Variants in PVT1 observed in about 807,000 individuals in gnomAD.
PVT1 encodes Pvt1 oncogene, also known as CXCR4/PVT1 fusion.
intron 4 of PVT1, among the ~76,000 whole-genome samples, chr8:128,001,706 A>C (rs1227990695): frequency 6.6e-6 from 1 of 152,202 alleles, no homozygotes; most frequent in Non-Finnish European, 1.5e-5. Flanking sequence ...GGTGGTTTAC[A>C]AACAACAAAA....
chr8:127,892,274 A>G (rs1044239591), intron 3 of PVT1, among the ~76,000 whole-genome samples: 1 of 152,198 alleles, frequency 6.6e-6, no homozygotes, highest in African/African-American at 2.4e-5. Context: ...TGTGCAATTT[A>G]CTGGGTTTCC....
intron 3 of PVT1, among the ~76,000 whole-genome samples, chr8:127,933,317 C>CCA (rs1816233797): frequency 6.6e-6 from 1 of 152,180 alleles, no homozygotes; most frequent in African/African-American, 2.4e-5. Context: ...TCAGGTGATC[C>CCA]ACCTGCCTTG....
At chr8:127,989,515 A>C (rs999041608) in intron 4 of PVT1, among the ~76,000 whole-genome samples, 1 of 151,932 alleles carries the variant, frequency 6.6e-6, no homozygotes, top group African/African-American at 2.4e-5. Flanking sequence ...CTCTGTCCCT[A>C]GTGGAGGGAG....
intron 4 of PVT1, among the ~76,000 whole-genome samples, chr8:128,011,142 T>C (rs766665434): frequency 1.3e-5 from 2 of 152,234 alleles, no homozygotes; most frequent in Non-Finnish European, 2.9e-5. Flanking sequence ...AGACTATATG[T>C]GTCTTGATGG....
intron 3 of PVT1, among the ~76,000 whole-genome samples, chr8:127,964,828 T>C (rs1441907897): frequency 6.6e-6 from 1 of 150,788 alleles, no homozygotes; most frequent in East Asian, 1.9e-4. Context: ...TTATTATTAT[T>C]TTATTGATTT....
intron 3 of PVT1, among the ~76,000 whole-genome samples, chr8:127,896,244 T>C (rs1416063778): frequency 6.6e-6 from 1 of 152,138 alleles, no homozygotes; most frequent in African/African-American, 2.4e-5. Flanking sequence ...TAAAGGCATG[T>C]GCATTTTGGC....
chr8:127,965,772 G>A (rs1444824460), intron 3 of PVT1, among the ~76,000 whole-genome samples: 1 of 152,196 alleles, frequency 6.6e-6, no homozygotes, highest in African/African-American at 2.4e-5. Context: ...CAGGTGTTGG[G>A]TGCAGAACAG....
chr8:128,009,505 T>C (rs977444560), intron 4 of PVT1: 1 of 152,356 alleles, frequency 6.6e-6, no homozygotes, highest in Non-Finnish European at 1.5e-5. Context: ...TCTAAAGACA[T>C]TAAAGACATA....
chr8:128,011,125 A>G (rs896747844), intron 4 of PVT1, among the ~76,000 whole-genome samples: 1 of 152,200 alleles, frequency 6.6e-6, no homozygotes, highest in African/African-American at 2.4e-5. Context: ...AGATGGCAAC[A>G]ATCTTTAGAC....
chr8:127,957,582 A>AGAAAAG (rs71300283), intron 3 of PVT1, among the ~76,000 whole-genome samples: 50 of 146,120 alleles, frequency 3.4e-4, no homozygotes, highest in Non-Finnish European at 6.6e-4. Flanking sequence ...AAAAAAAAAA[A>AGAAAAG]AAAAGAAAAG....
chr8:128,073,292 C>A (rs1043320968), intron 5 of PVT1, among the ~76,000 whole-genome samples: 2 of 152,180 alleles, frequency 1.3e-5, no homozygotes. Context: ...ACCTGCATAA[C>A]TAGTAACTCG....
At chr8:128,002,761 A>T (rs1817195113) in intron 4 of PVT1, among the ~76,000 whole-genome samples, 1 of 152,222 alleles carries the variant, frequency 6.6e-6, no homozygotes, top group Admixed American at 6.5e-5. Flanking sequence ...CCCAATTTCC[A>T]AATAAGGCAC....
intron 2 of PVT1, among the ~76,000 whole-genome samples, chr8:127,888,301 G>A (rs561545106): frequency 3.3e-5 from 5 of 152,274 alleles, no homozygotes; most frequent in South Asian, 4.2e-4. Context: ...TTCACTAGCC[G>A]CTGCAAGTGT....
intron 5 of PVT1, among the ~76,000 whole-genome samples, chr8:128,090,337 C>G (rs1329581441): frequency 6.6e-6 from 1 of 152,240 alleles, no homozygotes; most frequent in Non-Finnish European, 1.5e-5. Context: ...CGTGCCCAAA[C>G]TTCCAGAAAG....
At chr8:127,991,889 G>T (rs547137907) in intron 4 of PVT1, among the ~76,000 whole-genome samples, 3 of 152,076 alleles carry the variant, frequency 2.0e-5, no homozygotes, top group Admixed American at 6.5e-5. Flanking sequence ...TGGCTGGGAC[G>T]CACACCAATA....
chr8:127,796,878 T>C (rs1407272723), intron 2 of PVT1, among the ~76,000 whole-genome samples: 1 of 49,862 alleles, frequency 2.0e-5, no homozygotes, highest in Non-Finnish European at 6.1e-5. Flanking sequence ...CTTGTTTTGC[T>C]TTTTTTTTTT....
intron 4 of PVT1, among the ~76,000 whole-genome samples, chr8:127,998,950 A>G (rs534750649): frequency 1.3e-5 from 2 of 151,786 alleles, no homozygotes; most frequent in South Asian, 4.2e-4. Flanking sequence ...AGCCCCAGTT[A>G]TAGAATCAGC....
chr8:128,038,796 T>A (rs1292549634), intron 4 of PVT1, among the ~76,000 whole-genome samples: 1 of 152,178 alleles, frequency 6.6e-6, no homozygotes, highest in Non-Finnish European at 1.5e-5. Context: ...AGAGGAGGCC[T>A]TATAGGTACG....
chr8:127,847,098 G>A (rs1815044517), intron 2 of PVT1, among the ~76,000 whole-genome samples: 1 of 149,210 alleles, frequency 6.7e-6, no homozygotes, highest in South Asian at 2.1e-4. Context: ...CGCTTCCCAG[G>A]TTCAAGCAAT....
Sources: allele counts gnomAD v4.1 joint callset (sites outside exome capture counted in the v4.1 genomes callset), GRCh38; gene constraint gnomAD v4.1.1; transcripts MANE v1.5; gene names NCBI Gene and HGNC (gene_info 2026-07-23, HGNC 2026-07-21).